Variants in KDM4B observed in about 807,000 individuals in gnomAD.
KDM4B encodes lysine demethylase 4B.
In KDM4B, 32 loss-of-function variants were observed where a neutral mutation model predicts 125.2. That is an observed-to-expected ratio of 0.26 (90% CI 0.19 to 0.34). The LOEUF (loss-of-function observed/expected upper bound fraction) is 0.34, where lower values mean the gene tolerates loss of function less well. Ranked by LOEUF, KDM4B falls within the 10% of genes least tolerant of loss-of-function variation. The probability of loss-of-function intolerance (pLI) is 1.00; values close to 1 mark genes in which losing one functional copy is unlikely to be tolerated. For synonymous variants in KDM4B, 721 were observed against 677.9 expected (o/e 1.06, Z -0.99); for missense variants, 1,190 against 1,577.7 (o/e 0.75, Z 4.16).
intron 1 of KDM4B, among the ~76,000 whole-genome samples, chr19:4,987,156 G>A (rs1469646575): frequency 2.6e-5 from 4 of 151,842 alleles, no homozygotes; most frequent in African/African-American, 7.3e-5. Context: ...ATGGGGTTTC[G>A]CCATGTTGCC....
intron 14 of KDM4B, among the ~76,000 whole-genome samples, chr19:5,135,116 G>A (rs2146073285): frequency 6.6e-6 from 1 of 152,374 alleles, no homozygotes; most frequent in South Asian, 2.1e-4. Context: ...CTCATGGGAA[G>A]GTCTTCGGCG....
intron 22 of KDM4B, among the ~76,000 whole-genome samples, chr19:5,150,938 C>T (rs902534158): frequency 3.3e-5 from 5 of 152,246 alleles, no homozygotes; most frequent in African/African-American, 1.2e-4. Context: ...CTTTCGCTCC[C>T]CCAGCCCTCA....
At chr19:5,149,254 C>T (rs1006361957) in intron 21 of KDM4B, among the ~76,000 whole-genome samples, 3 of 152,252 alleles carry the variant, frequency 2.0e-5, no homozygotes, top group Non-Finnish European at 4.4e-5. Context: ...CCGCGATGGT[C>T]TTACTGTGTG....
chr19:5,011,962 T>C (rs1416742758), intron 1 of KDM4B, among the ~76,000 whole-genome samples: 3 of 152,198 alleles, frequency 2.0e-5, no homozygotes, highest in Non-Finnish European at 4.4e-5. Flanking sequence ...GCCAGCACTG[T>C]ATCTGAGGCT....
rs1599568974 is a variant in KDM4B at position 5,078,438 on chromosome 19, A to G, written c.780+968A>G. On this transcript the variant is annotated intron_variant, in intron 8 of 22. Transcript: ENST00000159111. The surrounding 1 kb of genome is among the most constrained non-coding windows in gnomAD (Gnocchi z 4.5). ...GCTCTTCCTGGCGGGGCTGCAACCCAGAGGCCGCCTCCCAGCCGCTGCAGG... is the reference window on the plus strand; with the variant it reads ...GCTCTTCCTGGCGGGGCTGCAACCCGGAGGCCGCCTCCCAGCCGCTGCAGG... 1 of 152,198 alleles carries G rather than the reference A, an allele frequency of 6.6e-6. No homozygotes were observed. The highest frequency in any genetic ancestry group is 2.1e-4 in the South Asian group (1 of 4,828). 9.4% of individuals were successfully genotyped at this position (152,198 alleles called of 1,614,324 possible).
chr19:5,003,861 C>T (rs530334253), intron 1 of KDM4B, among the ~76,000 whole-genome samples: 4 of 152,116 alleles, frequency 2.6e-5, no homozygotes, highest in East Asian at 3.9e-4. Flanking sequence ...CTCTGTCCCC[C>T]ACACAGTCTC....
chr19:5,072,869 C>T (rs953837459), intron 7 of KDM4B, among the ~76,000 whole-genome samples: 13 of 152,180 alleles, frequency 8.5e-5, no homozygotes, highest in African/African-American at 2.9e-4. Context: ...GTCTAGAGGC[C>T]GCCCGCATTC....
chr19:5,148,557 G>T (rs555928045), intron 21 of KDM4B, among the ~76,000 whole-genome samples: 1 of 152,232 alleles, frequency 6.6e-6, no homozygotes, highest in Non-Finnish European at 1.5e-5. Flanking sequence ...GCCAGAAGCC[G>T]AGAGGCCGAG....
rs551876178 is a variant in KDM4B at position 5,133,800 on chromosome 19, T to C, written c.1907-83T>C. ...AGCCAGGGCTGTAGACCCGGGGCCA[T>C]CCCCTGGGCAGTTGGGGTGATTCCT... On this transcript the variant is annotated intron_variant, in intron 13 of 22. Transcript: ENST00000159111. 139 of 1,438,102 alleles carry C rather than the reference T, an allele frequency of 9.7e-5. No homozygotes were observed. In the East Asian group the frequency reaches 2.4e-3, roughly 25 times the overall value. The allele number at this position is 1,438,102 out of a possible 1,614,324, so 89.1% of individuals were successfully genotyped here. A position where few individuals can be genotyped will look rare whatever the true frequency, so the allele number is the denominator to read the frequency against.
In KDM4B at chr19:5,150,468, G is replaced by A; in HGVS notation, c.3114+18G>A. 2 of 1,539,070 alleles carry A rather than the reference G, an allele frequency of 1.3e-6. No individual in the cohort carries two copies. The highest frequency in any genetic ancestry group is 8.8e-7 in the Non-Finnish European group (1 of 1,138,944). On this transcript the variant is annotated intron_variant, in intron 22 of 22. Transcript: ENST00000159111. The stretch of plus-strand genomic sequence containing the variant: ...CTCGGCTGGTGAGTGCGCGAGGCTG[G>A]CCTGGTGGCTCCGGGTGACTCAGGG...
At chr19:5,083,824 C>T (rs1297081404) in intron 9 of KDM4B, among the ~76,000 whole-genome samples, 1 of 152,190 alleles carries the variant, frequency 6.6e-6, no homozygotes, top group East Asian at 1.9e-4. Context: ...AGTGCAGAGC[C>T]TTCCAGTTCC....
chr19:5,042,417 T>G (rs2036847067), intron 5 of KDM4B, among the ~76,000 whole-genome samples: 1 of 151,792 alleles, frequency 6.6e-6, no homozygotes, highest in South Asian at 2.1e-4. Context: ...GGAGAATCGC[T>G]TGAACCCGGG....
At position 5,152,606 on chromosome 19, in the gene KDM4B, C is replaced by T. The variant is rs566264913; in HGVS notation, c.*1095C>T. ...AGGGACGAGGCCTGGTGTCCTCGCT[C>T]CACCCACCCACGCTGCTGTCACCTG... On this transcript the variant is annotated 3_prime_UTR_variant, in exon 23 of 23. Coordinates refer to ENST00000159111, the MANE Select transcript of KDM4B (RefSeq NM_015015.3). The T allele has an allele frequency of 2.0e-5, 3 of 152,370 alleles. No individual in the cohort carries two copies. The highest frequency in any genetic ancestry group is 1.9e-4 in the East Asian group (1 of 5,164). The allele number at this position is 152,370 out of a possible 1,614,324, so 9.4% of individuals were successfully genotyped here.
At chr19:4,980,158 A>G (rs1046853817) in intron 1 of KDM4B, among the ~76,000 whole-genome samples, 9 of 152,124 alleles carry the variant, frequency 5.9e-5, no homozygotes, top group African/African-American at 1.4e-4. Context: ...CAGTTGTGCA[A>G]CCGTCACCAC....
intron 11 of KDM4B, among the ~76,000 whole-genome samples, chr19:5,125,220 C>T (rs1374684188): frequency 6.6e-6 from 1 of 152,178 alleles, no homozygotes; most frequent in East Asian, 1.9e-4. Flanking sequence ...CTGTTATTTA[C>T]TAATCTTCCC....
At chr19:5,051,394 C>G (rs931886313) in intron 6 of KDM4B, among the ~76,000 whole-genome samples, 5 of 152,266 alleles carry the variant, frequency 3.3e-5, no homozygotes, top group Non-Finnish European at 7.3e-5. Context: ...TGCCCCCAAC[C>G]CATCAGACAC....
At chr19:4,999,342 TC>T (rs2035297062) in intron 1 of KDM4B, among the ~76,000 whole-genome samples, 1 of 152,274 alleles carries the variant, frequency 6.6e-6, no homozygotes, top group South Asian at 2.1e-4. Flanking sequence ...ATTTGACATG[TC>T]CCCACCCTGC....
At chr19:5,039,460 A>G (rs1457503979) in intron 3 of KDM4B, among the ~76,000 whole-genome samples, 1 of 152,084 alleles carries the variant, frequency 6.6e-6, no homozygotes, top group African/African-American at 2.4e-5. Context: ...CTCAACAACA[A>G]CAACAACAAA....
At chr19:5,052,681 C>T (rs1466468391) in intron 6 of KDM4B, among the ~76,000 whole-genome samples, 2 of 152,240 alleles carry the variant, frequency 1.3e-5, no homozygotes, top group Non-Finnish European at 2.9e-5. Context: ...GTGGCACTGT[C>T]GGGCCCCACA....
Sources: gnomAD v4.1 joint callset for allele counts (sites outside exome capture counted in the v4.1 genomes callset) on GRCh38, gnomAD v4.1.1 for gene constraint, Gnocchi (gnomAD v3.1) non-coding constraint, MANE v1.5 for transcripts, NCBI Gene and HGNC (gene_info 2026-07-23, HGNC 2026-07-21) for gene names.